The following SYNJ2 variants were observed in gnomAD, a reference collection of about 807,000 sequenced individuals.
SYNJ2 encodes the protein polyphosphatidylinositol phosphatase SYNJ2.
A neutral mutation model predicts 141.3 loss-of-function variants in SYNJ2; 116 were observed. The ratio of observed to expected loss-of-function variants is 0.82; its 90% CI spans 0.71 to 0.96. The LOEUF (loss-of-function observed/expected upper bound fraction) is 0.96, where lower values mean the gene tolerates loss of function less well. Among genes scored for constraint, SYNJ2 ranks in the 40% least tolerant of loss-of-function variants. The pLI is 0.00. For synonymous variants in SYNJ2, 745 were observed against 777.7 expected, an observed-to-expected ratio of 0.96 and a Z score of 0.70; for missense variants, 1,873 against 1,934.8, an observed-to-expected ratio of 0.97 and a Z score of 0.60.
chr6:158,064,947 T>A lies in SYNJ2; in HGVS notation c.1481T>A (p.Val494Glu), dbSNP rs1583444984. ...LLVGDVYGEE[V>E]ADKGGMLLDS... ...GTTGGGGACGTCTACGGCGAGGAGG[T>A]GGCAGACAAAGGGGGCATGCTGCTG... Residue 494 changes from valine (V) to glutamate (E), a missense_variant, in exon 11 of 27, where the codon GTG becomes GAG. Val to Glu is a moderately radical substitution (Grantham distance 121). Coordinates refer to ENST00000355585, the MANE Select transcript of SYNJ2 (RefSeq NM_003898.4). 1.3e-5 allele frequency: 21 copies of A among 1,611,440 alleles called. No homozygotes were observed. Among genetic ancestry groups the A allele is most frequent in the Non-Finnish European group, 1.7e-5 (20 of 1,178,898 alleles).
chr6:157,997,474 CAG>C (rs1777676759), intron 1 of SYNJ2, among the ~76,000 whole-genome samples: 1 of 152,122 alleles, frequency 6.6e-6, no homozygotes. Flanking sequence ...ACAATGGAGG[CAG>C]AGATGGGAGT....
chr6:157,987,266 C>A (rs909550664), intron 1 of SYNJ2, among the ~76,000 whole-genome samples: 3 of 152,092 alleles, frequency 2.0e-5, no homozygotes, highest in Non-Finnish European at 4.4e-5. Flanking sequence ...GGATTATAGG[C>A]GTGAGCCACT....
At position 157,982,624 on chromosome 6, in the gene SYNJ2, A is replaced by G. The variant is rs1777056808; in HGVS notation, c.127+536A>G. On this transcript the variant is annotated intron_variant, in intron 1 of 26. Coordinates refer to ENST00000355585, the MANE Select transcript of SYNJ2 (RefSeq NM_003898.4). The surrounding 1 kb of genome is among the most constrained non-coding windows in gnomAD (Gnocchi z 4.0). ...TGCAATTTATAGAACTTGTAAACAA[A>G]TATACCATGACCTTTATGCTGTCTT... Among the ~76,000 whole-genome samples, 1 of 152,220 alleles carries G rather than the reference A, an allele frequency of 6.6e-6. No individual in the cohort carries two copies. The highest frequency in any genetic ancestry group is 2.4e-5 in the African/African-American group (1 of 41,440).
chr6:157,982,013 G>T lies in SYNJ2; in HGVS notation c.52G>T (p.Asp18Tyr), dbSNP rs960054593. Residue 18 changes from aspartate to tyrosine, a missense_variant, in exon 1 of 27, where the codon GAC becomes TAC. Transcript: ENST00000355585. The surrounding 1 kb of genome is among the most constrained non-coding windows in gnomAD (Gnocchi z 4.0). ...RLLGRLGAEG[D>Y]CSVLLEARGR... ...GCTGGGGCGCCTGGGGGCCGAGGGG[G>T]ACTGTAGCGTGCTGCTGGAGGCGCG... 37 of 1,323,632 alleles carry T rather than the reference G, an allele frequency of 2.8e-5. No homozygotes were observed. The highest frequency in any genetic ancestry group is 3.5e-5 in the Non-Finnish European group (36 of 1,040,360). 82.0% of individuals were successfully genotyped at this position (1,323,632 alleles called of 1,614,324 possible).
intron 1 of SYNJ2, among the ~76,000 whole-genome samples, chr6:157,984,254 CT>C (rs1463570933): frequency 6.6e-6 from 1 of 152,188 alleles, no homozygotes; most frequent in Non-Finnish European, 1.5e-5. Context: ...AGGAGAGAGC[CT>C]TATGTTACTA....
At chr6:158,026,348 C>T (rs76042586) in intron 2 of SYNJ2, among the ~76,000 whole-genome samples, 1,961 of 152,332 alleles carry the variant, frequency 0.013, 42 homozygotes, top group African/African-American at 0.045. Context: ...TCACCTTGGG[C>T]AGGCTGCTTA....
In SYNJ2 at chr6:158,078,180, T is replaced by C; in HGVS notation, c.2466T>C (p.Leu822=). The C allele has an allele frequency of 6.2e-7, 1 of 1,613,358 alleles. No individual in the cohort carries two copies. Among genetic ancestry groups the C allele is most frequent in the Non-Finnish European group, 8.5e-7 (1 of 1,179,338 alleles). Reference sequence around the variant, plus strand: ...TGCGAGTAGCTGGAGAACTCAACCTTCTAGACAGTGATCTAGATGTTGACA... The same window carrying C: ...TGCGAGTAGCTGGAGAACTCAACCTCCTAGACAGTGATCTAGATGTTGACA... ...PFDKTAGELN[L]LDSDLDVDTK... The change falls in exon 18 of 27, where the codon CTT becomes CTC. Residue 822 remains leucine, a synonymous_variant. Transcript: ENST00000355585.
At chr6:158,017,359 G>A in intron 2 of SYNJ2, 69 bp downstream of exon 2, 1 of 1,522,896 alleles carries the variant, frequency 6.6e-7, no homozygotes, top group Non-Finnish European at 8.8e-7. Context: ...GTGTCGGAAG[G>A]GGCCTCAGTG....
chr6:158,019,119 C>G (rs559772617), intron 2 of SYNJ2, among the ~76,000 whole-genome samples: 1 of 152,302 alleles, frequency 6.6e-6, no homozygotes, highest in Admixed American at 6.5e-5. Flanking sequence ...AGTATCTGGG[C>G]CCCCAGGATG....
At chr6:158,079,418 G>A (rs1782534859) in intron 18 of SYNJ2, 1 of 150,552 alleles carries the variant, frequency 6.6e-6, no homozygotes, top group African/African-American at 2.5e-5. Flanking sequence ...AGTCCTCCAG[G>A]CTGGAGTGCA....
At chr6:157,983,983 A>G (rs1488678401) in intron 1 of SYNJ2, among the ~76,000 whole-genome samples, 2 of 152,130 alleles carry the variant, frequency 1.3e-5, no homozygotes, top group African/African-American at 2.4e-5. Flanking sequence ...ACATGCCACC[A>G]TGCCTGGCTA....
chr6:158,076,057 GC>G (rs1235360353), intron 16 of SYNJ2, among the ~76,000 whole-genome samples: 3 of 152,068 alleles, frequency 2.0e-5, no homozygotes, highest in Non-Finnish European at 2.9e-5. Flanking sequence ...GCATGATGGT[GC>G]GTGCCTGTAG....
chr6:158,037,566 T>C (rs1352692181), intron 4 of SYNJ2, among the ~76,000 whole-genome samples: 1 of 151,882 alleles, frequency 6.6e-6, no homozygotes, highest in Non-Finnish European at 1.5e-5. Flanking sequence ...CACGCCCGGC[T>C]AATTTTTTGT....
chr6:158,055,935 A>C (rs1331102288), intron 6 of SYNJ2, among the ~76,000 whole-genome samples: 1 of 152,236 alleles, frequency 6.6e-6, no homozygotes, highest in African/African-American at 2.4e-5. Flanking sequence ...AGCATTCTAC[A>C]TGCGGAGTTC....
At chr6:158,036,287 A>G (rs966287144) in intron 4 of SYNJ2, among the ~76,000 whole-genome samples, 2 of 152,266 alleles carry the variant, frequency 1.3e-5, no homozygotes, top group African/African-American at 2.4e-5. Flanking sequence ...GGGAGTGTAA[A>G]TTAGTTCCAC....
intron 20 of SYNJ2, among the ~76,000 whole-genome samples, chr6:158,081,939 C>T (rs915457887): frequency 7.2e-5 from 11 of 152,148 alleles, no homozygotes; most frequent in Non-Finnish European, 1.0e-4. Flanking sequence ...CAGGCATGAG[C>T]TTTCATGCCT....
At chr6:158,068,593 G>A (rs543479809) in intron 12 of SYNJ2, 54 bp from the exon 13 acceptor site, 40 of 1,605,474 alleles carry the variant, frequency 2.5e-5, no homozygotes, top group East Asian at 6.7e-5. Context: ...CCATGAACTC[G>A]TAATGCGGGA....
chr6:158,068,413 T>C (rs1006779312), intron 12 of SYNJ2, among the ~76,000 whole-genome samples: 4 of 152,256 alleles, frequency 2.6e-5, no homozygotes, highest in African/African-American at 9.6e-5. Context: ...TGACCTCCCC[T>C]GTTCAAAGGG....
chr6:158,081,124 C>T lies in SYNJ2; in HGVS notation c.2583C>T (p.Ile861=), dbSNP rs201337191. ...CCTAACGCAGACCTGTGCTGGCGAT[C>T]GTGGAGGTGGAAGTTCAGGAAGTCG... ...QASDHRPVLA[I]VEVEVQEVDV... Residue 861 remains isoleucine, a synonymous_variant, in exon 19 of 27, where the codon ATC becomes ATT. Transcript: ENST00000355585. 1.3e-4 allele frequency: 209 copies of T among 1,613,804 alleles called. No homozygotes were observed. The highest frequency in any genetic ancestry group is 1.5e-4 in the Non-Finnish European group (176 of 1,180,026).
Sources: allele counts gnomAD v4.1 joint callset (sites outside exome capture counted in the v4.1 genomes callset), GRCh38; gene constraint gnomAD v4.1.1; non-coding constraint Gnocchi (gnomAD v3.1); transcripts MANE v1.5; gene names NCBI Gene and HGNC (gene_info 2026-07-23, HGNC 2026-07-21).